The following ADAMTS7 variants were observed in gnomAD, a reference collection of about 807,000 sequenced individuals.
ADAMTS7 encodes the protein A disintegrin and metalloproteinase with thrombospondin motifs 7.
Under a neutral mutation model 172.6 loss-of-function variants are expected in ADAMTS7, and 89 were observed. That is an observed-to-expected ratio of 0.52 (90% CI 0.43 to 0.61). The LOEUF is 0.61. Ranked by LOEUF, ADAMTS7 falls within the 20% of genes least tolerant of loss-of-function variation. The probability of loss-of-function intolerance (pLI) is 0.00; values close to 1 mark genes in which losing one functional copy is unlikely to be tolerated. For missense variants in ADAMTS7, 1,973 were observed against 2,355.6 expected (o/e 0.84, Z 3.36); for synonymous variants, 885 against 978.4 (o/e 0.90, Z 1.78).
chr15:78,794,063 GC>G (rs1385158470), intron 4 of ADAMTS7, among the ~76,000 whole-genome samples: 2 of 152,188 alleles, frequency 1.3e-5, no homozygotes, highest in Admixed American at 6.5e-5. Context: ...ATGTGGTGAA[GC>G]CCCCTCTCTA....
Position 78,764,528 on chromosome 15 carries a change from GCCTGTCCTGGCT to G in ADAMTS7, c.4419+15_4419+26del, listed in dbSNP as rs1485551386. ...GGGCTCCACCCCATGCCCTGGGAAT[GCCTGTCCTGGCT>G]CCATCCTCACGCACCTTACTCCAGT... On this transcript the variant is annotated intron_variant, in intron 20 of 23. Coordinates refer to ENST00000388820, the MANE Select transcript of ADAMTS7 (RefSeq NM_014272.5). 6.5e-6 allele frequency: 10 copies of G among 1,530,274 alleles called. No individual in the cohort carries two copies. Among genetic ancestry groups the G allele is most frequent in the Non-Finnish European group, 8.7e-6 (10 of 1,144,682 alleles). The allele number at this position is 1,530,274 out of a possible 1,614,324, so 94.8% of individuals were successfully genotyped here.
At chr15:78,792,745 C>T (rs1382096769) in intron 4 of ADAMTS7, among the ~76,000 whole-genome samples, 3 of 152,166 alleles carry the variant, frequency 2.0e-5, no homozygotes, top group Non-Finnish European at 4.4e-5. Context: ...CCCGGGAAGG[C>T]AGAGGCTGCA....
chr15:78,764,236 C>G, intron 20 of ADAMTS7, 137 bp from the exon 21 acceptor site: 1 of 1,286,694 alleles, frequency 7.8e-7, no homozygotes, highest in Non-Finnish European at 1.0e-6. Flanking sequence ...CAGCGAGAGG[C>G]CAAGGCTGGC....
rs181663592 is a variant in ADAMTS7 at position 78,788,143 on chromosome 15, C to T, written c.1322+88G>A. 1.8e-4 allele frequency: 271 copies of T among 1,538,132 alleles called. No individual in the cohort carries two copies. The Middle Eastern group carries it at 2.1e-3, about 12-fold the overall frequency. On this transcript the variant is annotated intron_variant, in intron 8 of 23. Transcript: ENST00000388820. ...CTTGCCCCTCTGCTTCCCTCTACCC[C>T]GGCCCTGCAGTATGACTGTCTGCAT...
rs768309978 is a variant in ADAMTS7 at position 78,759,539 on chromosome 15, G to A, written c.4943C>T (p.Thr1648Met). The A allele has an allele frequency of 1.4e-5, 23 of 1,595,608 alleles. No individual in the cohort carries two copies. Among genetic ancestry groups the A allele is most frequent in the South Asian group, 4.5e-5 (4 of 89,756 alleles). Residue 1648 changes from threonine to methionine, a missense_variant, in exon 24 of 24, where the codon ACG becomes ATG. Around this residue, in one of 8 missense-constraint regions of ADAMTS7, gnomAD observed 94 missense variants for 95.4 expected, o/e 0.99. Transcript: ENST00000388820. ...CTGGCAGCGGCCCAGTAGGCGCAGC[G>A]TCTCGCAGAACCCGAAGGACAGGCG... ...RDRLSFGFCE[T>M]LRLLGRCQLP...
intron 8 of ADAMTS7, 62 bp downstream of exon 8, chr15:78,788,169 C>T: frequency 6.3e-7 from 1 of 1,593,160 alleles, no homozygotes. Context: ...CTGTCTGCAT[C>T]TCTCCCAGTA....
chr15:78,790,570 C>A lies in ADAMTS7; in HGVS notation c.1028+100G>T, dbSNP rs531351223. The A allele has an allele frequency of 1.1e-5, 16 of 1,521,812 alleles. No homozygotes were observed. The South Asian group carries it at 1.9e-4, about 18-fold the overall frequency. 94.3% of individuals were successfully genotyped at this position (1,521,812 alleles called of 1,614,324 possible). ...TGCGCAAACTCTCCTCAAAATTGGG[C>A]TCCCTGACAGCACGGCCCCCTCCTC... On this transcript the variant is annotated intron_variant, in intron 6 of 23. Transcript: ENST00000388820.
At position 78,782,944 on chromosome 15, in the gene ADAMTS7, A is replaced by G. The variant is rs552860271; in HGVS notation, c.1322+5287T>C. On this transcript the variant is annotated intron_variant, in intron 8 of 23. Coordinates refer to ENST00000388820, the MANE Select transcript of ADAMTS7 (RefSeq NM_014272.5). ...CAGGAGGCTCTGGCCCAGGAATGGTAGACATACATGAAGGCCCAAGGCAGA... is the reference window on the plus strand; with the variant it reads ...CAGGAGGCTCTGGCCCAGGAATGGTGGACATACATGAAGGCCCAAGGCAGA... Among the ~76,000 whole-genome samples, 850 of 152,080 alleles carry G rather than the reference A, an allele frequency of 5.6e-3. 1 individual carries two copies. Among genetic ancestry groups the G allele is most frequent in the Non-Finnish European group, 9.2e-3 (628 of 67,956 alleles).
intron 1 of ADAMTS7, among the ~76,000 whole-genome samples, chr15:78,806,684 G>C (rs8038189): frequency 0.76 from 115,009 of 152,050 alleles, 43,639 homozygotes; most frequent in Middle Eastern, 0.87. Flanking sequence ...AGGTTCACTC[G>C]CAGTGGGAGA....
chr15:78,798,636 G>A (rs576180734), intron 2 of ADAMTS7, among the ~76,000 whole-genome samples: 8 of 152,190 alleles, frequency 5.3e-5, no homozygotes, highest in South Asian at 2.1e-4. Context: ...AGATGCCCAC[G>A]GCCACCAGGA....
rs1023724001 is a variant in ADAMTS7 at position 78,811,167 on chromosome 15, G to A, written c.54C>T (p.Leu18=). Reference sequence around the variant, plus strand: ...CGGGAGCCAGAGCGCAGAGGAGCAGGAGGAGGGGGCGCAGCAAAGGCGCGG... The same window carrying A: ...CGGGAGCCAGAGCGCAGAGGAGCAGAAGGAGGGGGCGCAGCAAAGGCGCGG... ...RSPAPLLRPL[L]LLLCALAPGA... Residue 18 remains leucine, a synonymous_variant, in exon 1 of 24, where the codon CTC becomes CTT. Coordinates refer to ENST00000388820, the MANE Select transcript of ADAMTS7 (RefSeq NM_014272.5). 8 of 1,230,022 alleles carry A rather than the reference G, an allele frequency of 6.5e-6. No individual in the cohort carries two copies. The African/African-American group carries it at 1.2e-4, about 19-fold the overall frequency. 76.2% of individuals were successfully genotyped at this position (1,230,022 alleles called of 1,614,324 possible).
At position 78,788,379 on chromosome 15, in the gene ADAMTS7, G is replaced by A. The variant is rs754869515; in HGVS notation, c.1179-5C>T. ...CCGTCATGCTGAATGCCAAAACTGT[G>A]TGAGAGCACAGGCCCCAGGGGCGGG... On this transcript the variant is annotated splice_region_variant and splice_polypyrimidine_tract_variant and intron_variant, in intron 7 of 23. Transcript: ENST00000388820. The A allele has an allele frequency of 2.5e-6, 4 of 1,612,392 alleles. No individual in the cohort carries two copies. The highest frequency in any genetic ancestry group is 1.3e-5 in the African/African-American group (1 of 75,002).
chr15:78,759,543 C>T lies in ADAMTS7; in HGVS notation c.4939G>A (p.Glu1647Lys), dbSNP rs774674421. 1.1e-5 allele frequency: 18 copies of T among 1,594,682 alleles called. No homozygotes were observed. Among genetic ancestry groups the T allele is most frequent in the Middle Eastern group, 2.3e-4 (1 of 4,428 alleles). The stretch of plus-strand genomic sequence containing the variant: ...CAGCGGCCCAGTAGGCGCAGCGTCT[C>T]GCAGAACCCGAAGGACAGGCGGTCC... ...ERDRLSFGFC[E>K]TLRLLGRCQL... The change falls in exon 24 of 24, where the codon GAG becomes AAG. Residue 1647 changes from glutamate to lysine, a missense_variant. This residue lies in a region of ADAMTS7 where 94 missense variants were observed against 95.4 expected (regional missense o/e 0.99). Transcript: ENST00000388820.
At chr15:78,773,346 T>C in intron 13 of ADAMTS7, 143 bp from the exon 14 acceptor site, 1 of 641,912 alleles carries the variant, frequency 1.6e-6, no homozygotes. Context: ...ACCTCAGCTG[T>C]GCCTCTGACC....
chr15:78,768,048 T>TGGGGGTGGGGAGTTGGCGGGGGAG (rs374389913), intron 17 of ADAMTS7, 85 bp downstream of exon 17: 4 of 428,970 alleles, frequency 9.3e-6, no homozygotes, highest in South Asian at 2.3e-5. Flanking sequence ...TGGCGGGGGA[T>TGGGGGTGGGGAGTTGGCGGGGGAG]GGGGTGGGGA....
intron 2 of ADAMTS7, among the ~76,000 whole-genome samples, chr15:78,798,683 G>T (rs1596198990): frequency 6.6e-6 from 1 of 152,304 alleles, no homozygotes; most frequent in Non-Finnish European, 1.5e-5. Context: ...CCCAGAGAAG[G>T]GAAGCTGGCA....
chr15:78,785,950 G>C (rs552115371), intron 8 of ADAMTS7, among the ~76,000 whole-genome samples: 1 of 150,990 alleles, frequency 6.6e-6, no homozygotes, highest in South Asian at 2.1e-4. Flanking sequence ...TTTTGAGACG[G>C]AGTTTTTTTG....
At chr15:78,769,342 T>C (rs2055209422) in intron 16 of ADAMTS7, among the ~76,000 whole-genome samples, 1 of 152,248 alleles carries the variant, frequency 6.6e-6, no homozygotes, top group Non-Finnish European at 1.5e-5. Flanking sequence ...CGAGAGTAAG[T>C]TGTCCCTCCC....
intron 22 of ADAMTS7, among the ~76,000 whole-genome samples, chr15:78,763,218 C>A (rs149551266): frequency 2.0e-5 from 3 of 152,230 alleles, no homozygotes; most frequent in Non-Finnish European, 4.4e-5. Flanking sequence ...CGGACAAAGA[C>A]GCAAACGCTG....
Sources: allele counts gnomAD v4.1 joint callset (sites outside exome capture counted in the v4.1 genomes callset), GRCh38; gene constraint gnomAD v4.1.1; regional missense constraint gnomAD v4.1.1; transcripts MANE v1.5; gene names NCBI Gene and HGNC (gene_info 2026-07-23, HGNC 2026-07-21).